FAM117B: variants seen among roughly 807,000 people sequenced by gnomAD.
FAM117B encodes protein FAM117B.
A neutral mutation model predicts 52.8 loss-of-function variants in FAM117B; 22 were observed. The observed-to-expected ratio is 0.42, with a 90% CI of 0.30 to 0.59. FAM117B has a LOEUF of 0.59. FAM117B is among the 20% of genes least tolerant of loss of function. The pLI is 0.22. For missense variants in FAM117B, 678 were observed against 802.6 expected (o/e 0.84, Z 1.88); for synonymous variants, 309 against 324.1 (o/e 0.95, Z 0.50).
chr2:202,757,024 G>C (rs1691809743), intron 5 of FAM117B, among the ~76,000 whole-genome samples, 189 bp from the exon 6 acceptor site: 1 of 152,010 alleles, frequency 6.6e-6, no homozygotes, highest in Non-Finnish European at 1.5e-5. Context: ...AGTCTTCACC[G>C]AAGACTCTCA....
chr2:202,679,802 A>G (rs936515054), intron 1 of FAM117B, among the ~76,000 whole-genome samples: 4 of 152,234 alleles, frequency 2.6e-5, no homozygotes, highest in African/African-American at 7.2e-5. Flanking sequence ...ACTTAAAAAC[A>G]TGATACTGTC....
chr2:202,749,770 A>G (rs967095495), intron 4 of FAM117B, among the ~76,000 whole-genome samples: 4 of 152,068 alleles, frequency 2.6e-5, no homozygotes, highest in Admixed American at 6.6e-5. Context: ...CTCTAATTAT[A>G]TTTTTAAAAT....
chr2:202,727,667 C>T (rs1453646382), intron 4 of FAM117B, among the ~76,000 whole-genome samples: 1 of 151,958 alleles, frequency 6.6e-6, no homozygotes, highest in African/African-American at 2.4e-5. Flanking sequence ...CTTACCATGC[C>T]ATTTTATATA....
intron 4 of FAM117B, among the ~76,000 whole-genome samples, chr2:202,745,800 T>C (rs1691623229): frequency 6.6e-6 from 1 of 152,218 alleles, no homozygotes; most frequent in Non-Finnish European, 1.5e-5. Context: ...GGATTCGCTG[T>C]ATTTGTATAA....
intron 4 of FAM117B, among the ~76,000 whole-genome samples, chr2:202,736,911 T>TA (rs557044805): frequency 1.5e-3 from 220 of 147,854 alleles, no homozygotes; most frequent in Non-Finnish European, 2.5e-3. Context: ...CACATTTTCA[T>TA]AAAAAAAAAA....
chr2:202,709,826 G>T (rs553123737), intron 2 of FAM117B, among the ~76,000 whole-genome samples: 1 of 152,140 alleles, frequency 6.6e-6, no homozygotes, highest in Non-Finnish European at 1.5e-5. Flanking sequence ...TTTTGTATGG[G>T]GTAAGAGTCT....
intron 2 of FAM117B, among the ~76,000 whole-genome samples, chr2:202,716,060 A>AG (rs1156465852): frequency 6.6e-6 from 1 of 152,200 alleles, no homozygotes; most frequent in Non-Finnish European, 1.5e-5. Context: ...TCGGCATCAG[A>AG]GGGAGACCGT....
Position 202,765,564 on chromosome 2 carries a change from A to C in FAM117B, c.1570A>C (p.Thr524Pro). The C allele has an allele frequency of 6.2e-7, 1 of 1,613,722 alleles. No homozygotes were observed. ...LVSILKPLLP[T>P]PDLTLKGSGH... ...CAGCATCCTCAAGCCACTCCTTCCT[A>C]CCCCGGATCTTACACTCAAGGGCTC... Residue 524 changes from threonine (T) to proline (P), a missense_variant, in exon 8 of 8, where the codon ACC (threonine) becomes CCC (proline). Coordinates refer to ENST00000392238, the MANE Select transcript of FAM117B (RefSeq NM_173511.4).
At chr2:202,759,463 C>A in intron 7 of FAM117B, 110 bp downstream of exon 7, 2 of 1,377,324 alleles carry the variant, frequency 1.5e-6, no homozygotes, top group South Asian at 1.5e-5. Flanking sequence ...AGTCACAGGT[C>A]ACACTGCAAC....
At position 202,706,221 on chromosome 2, in the gene FAM117B, C is replaced by T. The variant is rs1266158968; in HGVS notation, c.753+10189C>T. On this transcript the variant is annotated intron_variant, in intron 2 of 7. Transcript: ENST00000392238. ...CTGTTTCTTTGGTTTGGTTTCTTTA[C>T]GGCATAAACCAGTCATCTTTTGCTT... Among the ~76,000 whole-genome samples, 5 of 152,122 alleles carry T rather than the reference C, an allele frequency of 3.3e-5. No individual in the cohort carries two copies. In the East Asian group the frequency reaches 7.7e-4, roughly 23 times the overall value.
intron 1 of FAM117B, among the ~76,000 whole-genome samples, chr2:202,637,689 C>T (rs1006599725): frequency 1.3e-5 from 2 of 152,116 alleles, no homozygotes; most frequent in Non-Finnish European, 2.9e-5. Context: ...TCTCATTTAA[C>T]CCTCACTATA....
chr2:202,755,049 AG>A (rs1219164813), intron 4 of FAM117B, among the ~76,000 whole-genome samples: 1 of 151,938 alleles, frequency 6.6e-6, no homozygotes, highest in Non-Finnish European at 1.5e-5. Context: ...GCCAAGCAGG[AG>A]CAAGAGAGAG....
chr2:202,645,173 C>T (rs886956458), intron 1 of FAM117B, among the ~76,000 whole-genome samples: 3 of 152,042 alleles, frequency 2.0e-5, no homozygotes, highest in African/African-American at 4.8e-5. Context: ...GACTGAGTCT[C>T]GCTGTATTGC....
At chr2:202,737,248 A>G (rs1324341667) in intron 4 of FAM117B, among the ~76,000 whole-genome samples, 2 of 152,350 alleles carry the variant, frequency 1.3e-5, no homozygotes, top group South Asian at 2.1e-4. Context: ...TAAAGAGACA[A>G]TATTAGGCAG....
At chr2:202,659,032 A>G (rs1175895241) in intron 1 of FAM117B, among the ~76,000 whole-genome samples, 1 of 151,530 alleles carries the variant, frequency 6.6e-6, no homozygotes, top group Non-Finnish European at 1.5e-5. Context: ...TTTGAGATGG[A>G]ATATCTCTCT....
At chr2:202,718,797 A>G (rs565288105) in intron 2 of FAM117B, among the ~76,000 whole-genome samples, 5 of 152,114 alleles carry the variant, frequency 3.3e-5, no homozygotes, top group Non-Finnish European at 5.9e-5. Context: ...TGACTGGATG[A>G]CTCATACTCT....
At chr2:202,654,262 CA>C (rs34014387) in intron 1 of FAM117B, among the ~76,000 whole-genome samples, 2,488 of 145,708 alleles carry the variant, frequency 0.017, 69 homozygotes, top group African/African-American at 0.057. Context: ...AAGTCTACCT[CA>C]AAAAAAAAAA....
intron 1 of FAM117B, among the ~76,000 whole-genome samples, chr2:202,651,538 A>C (rs948725998): frequency 7.0e-6 from 1 of 142,926 alleles, no homozygotes; most frequent in African/African-American, 2.6e-5. Flanking sequence ...ATGCCTGGTT[A>C]ATTTTTTGTA....
intron 2 of FAM117B, among the ~76,000 whole-genome samples, chr2:202,719,615 C>G (rs1236061403): frequency 6.6e-6 from 1 of 152,088 alleles, no homozygotes; most frequent in Admixed American, 6.6e-5. Flanking sequence ...TTTAAAAATA[C>G]CAATAAACTT....
Sources: allele counts gnomAD v4.1 joint callset (sites outside exome capture counted in the v4.1 genomes callset), GRCh38; gene constraint gnomAD v4.1.1; transcripts MANE v1.5; gene names NCBI Gene and HGNC (gene_info 2026-07-23, HGNC 2026-07-21).